Variants in GRM8 observed in about 807,000 individuals in gnomAD.
The protein encoded by GRM8 is metabotropic glutamate receptor 8.
Under a neutral mutation model 87.2 loss-of-function variants are expected in GRM8, and 47 were observed. That is an observed-to-expected ratio of 0.54 (90% confidence interval 0.43 to 0.69). The LOEUF (loss-of-function observed/expected upper bound fraction) is 0.69, where lower values mean the gene tolerates loss of function less well. Among genes scored for constraint, GRM8 ranks in the 30% least tolerant of loss-of-function variants. GRM8 has a pLI of 0.00. For missense variants in GRM8, 1,019 were observed against 1,139.2 expected, an observed-to-expected ratio of 0.89 and a Z score of 1.52; for synonymous variants, 396 against 404.5, an observed-to-expected ratio of 0.98 and a Z score of 0.25.
intron 3 of GRM8, among the ~76,000 whole-genome samples, chr7:126,919,368 A>C (rs1337659856): frequency 6.6e-6 from 1 of 152,208 alleles, no homozygotes; most frequent in East Asian, 1.9e-4. Flanking sequence ...GTAAGTTCTA[A>C]TACGGGAATA....
intron 8 of GRM8, among the ~76,000 whole-genome samples, chr7:126,556,616 C>T (rs954868593): frequency 3.3e-5 from 5 of 152,130 alleles, no homozygotes; most frequent in African/African-American, 1.2e-4. Context: ...CACTGCACTT[C>T]AGCCTGGGTG....
intron 3 of GRM8, among the ~76,000 whole-genome samples, chr7:126,989,753 G>C (rs561947609): frequency 7.9e-5 from 12 of 152,240 alleles, no homozygotes; most frequent in African/African-American, 2.9e-4. Flanking sequence ...ACCAGCCTGG[G>C]CAACATGGCA....
chr7:126,871,869 A>G (rs893645669), intron 6 of GRM8, among the ~76,000 whole-genome samples: 3 of 152,206 alleles, frequency 2.0e-5, no homozygotes, highest in Non-Finnish European at 2.9e-5. Context: ...GAACTGTTAA[A>G]TTAAAAGCAA....
At chr7:126,654,185 T>C (rs1048770661) in intron 7 of GRM8, among the ~76,000 whole-genome samples, 15 of 152,178 alleles carry the variant, frequency 9.9e-5, no homozygotes, top group African/African-American at 3.4e-4. Context: ...GTGACAAGTG[T>C]GATTTTTCAG....
intron 2 of GRM8, among the ~76,000 whole-genome samples, chr7:127,214,142 A>C (rs1796379775): frequency 6.6e-6 from 1 of 152,226 alleles, no homozygotes; most frequent in African/African-American, 2.4e-5. Context: ...GGCAAAATTA[A>C]AATGGTATAA....
chr7:127,051,246 T>C (rs1819438516), intron 3 of GRM8, among the ~76,000 whole-genome samples: 1 of 152,126 alleles, frequency 6.6e-6, no homozygotes, highest in South Asian at 2.1e-4. Flanking sequence ...GGAGTGAAAC[T>C]CAACAGTCTT....
intron 3 of GRM8, among the ~76,000 whole-genome samples, chr7:127,020,025 G>A (rs1816100003): frequency 6.6e-6 from 1 of 152,074 alleles, no homozygotes; most frequent in African/African-American, 2.4e-5. Context: ...CTACAGAACA[G>A]ATCCCAACCT....
chr7:126,979,479 A>G, intron 3 of GRM8, among the ~76,000 whole-genome samples: 1 of 152,172 alleles, frequency 6.6e-6, no homozygotes, highest in Admixed American at 6.6e-5. Context: ...TCAACTGTGA[A>G]TTCCTGGGTG....
chr7:126,884,895 A>T (rs1339525537), intron 6 of GRM8, among the ~76,000 whole-genome samples: 2 of 152,226 alleles, frequency 1.3e-5, no homozygotes, highest in Non-Finnish European at 2.9e-5. Flanking sequence ...CAGTAGGGAG[A>T]TCTGACCTAA....
At chr7:126,537,690 T>C (rs2150880954) in intron 8 of GRM8, among the ~76,000 whole-genome samples, 1 of 152,084 alleles carries the variant, frequency 6.6e-6, no homozygotes, top group East Asian at 1.9e-4. Flanking sequence ...GGCAGGAGAA[T>C]GCTGTGAACC....
At chr7:126,537,586 C>A (rs1406752866) in intron 8 of GRM8, among the ~76,000 whole-genome samples, 1 of 152,106 alleles carries the variant, frequency 6.6e-6, no homozygotes, top group Non-Finnish European at 1.5e-5. Context: ...ACCATCCTGG[C>A]CAACACGGTA....
intron 7 of GRM8, among the ~76,000 whole-genome samples, chr7:126,691,748 G>T (rs1425895118): frequency 6.6e-6 from 1 of 152,202 alleles, no homozygotes; most frequent in Non-Finnish European, 1.5e-5. Context: ...AAGCAGGAGG[G>T]TAAGAGTGGA....
At chr7:126,860,503 C>T (rs1459291030) in intron 6 of GRM8, among the ~76,000 whole-genome samples, 4 of 152,054 alleles carry the variant, frequency 2.6e-5, no homozygotes, top group Non-Finnish European at 5.9e-5. Context: ...AAGATACTTG[C>T]AATATAGATA....
chr7:127,208,123 G>A (rs528646333), intron 2 of GRM8, among the ~76,000 whole-genome samples: 40 of 152,250 alleles, frequency 2.6e-4, no homozygotes, highest in Middle Eastern at 6.8e-3. Flanking sequence ...GACTGATCTG[G>A]CTGGTTTACA....
chr7:126,456,670 G>A (rs1345320672), intron 9 of GRM8, among the ~76,000 whole-genome samples: 1 of 151,172 alleles, frequency 6.6e-6, no homozygotes, highest in African/African-American at 2.4e-5. Context: ...AGGAGGAAAG[G>A]TAAATCAGAA....
intron 9 of GRM8, among the ~76,000 whole-genome samples, chr7:126,513,071 G>A (rs779553800): frequency 5.9e-5 from 9 of 151,952 alleles, no homozygotes; most frequent in South Asian, 2.1e-4. Context: ...CCACTTTTCT[G>A]GATACCTGTA....
At chr7:126,599,175 T>C (rs1797491589) in intron 8 of GRM8, among the ~76,000 whole-genome samples, 1 of 152,080 alleles carries the variant, frequency 6.6e-6, no homozygotes, top group Non-Finnish European at 1.5e-5. Flanking sequence ...CCAGTGGTAA[T>C]AGTAACAACG....
At chr7:126,609,804 G>A (rs1191771918) in intron 7 of GRM8, among the ~76,000 whole-genome samples, 2 of 152,178 alleles carry the variant, frequency 1.3e-5, no homozygotes, top group East Asian at 3.8e-4. Context: ...ATTCAATACT[G>A]GCTACATAGT....
chr7:126,677,260 A>G (rs1807058854), intron 7 of GRM8, among the ~76,000 whole-genome samples: 1 of 152,118 alleles, frequency 6.6e-6, no homozygotes, highest in African/African-American at 2.4e-5. Flanking sequence ...TGGAATATAA[A>G]CTAGTACAGC....
Sources: gnomAD v4.1 joint callset for allele counts (sites outside exome capture counted in the v4.1 genomes callset) on GRCh38, gnomAD v4.1.1 for gene constraint, MANE v1.5 for transcripts, NCBI Gene and HGNC (gene_info 2026-07-23, HGNC 2026-07-21) for gene names.